The following EPS15 variants were observed in gnomAD, a reference collection of about 807,000 sequenced individuals.
The protein encoded by EPS15 is epidermal growth factor receptor substrate 15.
EPS15 carries 72 observed loss-of-function variants against 113.8 expected under a neutral mutation model. The observed-to-expected ratio is 0.63, with a 90% CI of 0.52 to 0.77. EPS15 has a LOEUF of 0.77. Among genes scored for constraint, EPS15 ranks in the 30% least tolerant of loss-of-function variants. EPS15 has a pLI of 0.00. For synonymous variants in EPS15, 344 were observed against 363.4 expected (o/e 0.95, Z 0.61); for missense variants, 1,048 against 1,045.8 (o/e 1.00, Z -0.03).
chr1:51,459,662 TTA>T (rs1654283822), intron 8 of EPS15, among the ~76,000 whole-genome samples: 1 of 152,124 alleles, frequency 6.6e-6, no homozygotes, highest in Non-Finnish European at 1.5e-5. Context: ...ATTAGACATT[TTA>T]TAGACTATAT....
At chr1:51,474,501 C>T (rs1241458923) in intron 2 of EPS15, among the ~76,000 whole-genome samples, 1 of 152,038 alleles carries the variant, frequency 6.6e-6, no homozygotes, top group Non-Finnish European at 1.5e-5. Context: ...TTCAGCTGAA[C>T]AAGAATTACA....
chr1:51,413,148 C>T (rs953954586), intron 13 of EPS15, among the ~76,000 whole-genome samples: 2 of 152,138 alleles, frequency 1.3e-5, no homozygotes, highest in Non-Finnish European at 2.9e-5. Context: ...TGCCTTTCCA[C>T]AAGCCATAAC....
intron 1 of EPS15, among the ~76,000 whole-genome samples, chr1:51,508,385 A>AAAGAAAGAAAGAAAGAAAGAAAGAAAGG (rs1557537547): frequency 9.6e-5 from 14 of 146,374 alleles, no homozygotes; most frequent in African/African-American, 3.7e-4. Context: ...AGAAAGAAAG[A>AAAGAAAGAAAGAAAGAAAGAAAGAAAGG]GAAAATTTAA....
chr1:51,455,596 A>G (rs1653937124), intron 8 of EPS15, among the ~76,000 whole-genome samples: 1 of 152,216 alleles, frequency 6.6e-6, no homozygotes, highest in Middle Eastern at 3.4e-3. Context: ...AAAAGAAAAG[A>G]AAGAAAAAGA....
chr1:51,423,682 C>T, intron 12 of EPS15: 1 of 985,372 alleles, frequency 1.0e-6, no homozygotes, highest in Non-Finnish European at 1.2e-6. Context: ...CTGCTGCTAA[C>T]TGCTGTCACT....
intron 13 of EPS15, among the ~76,000 whole-genome samples, chr1:51,414,191 G>T (rs1650001543): frequency 6.6e-6 from 1 of 152,042 alleles, no homozygotes; most frequent in Non-Finnish European, 1.5e-5. Flanking sequence ...ACGGGTGGAT[G>T]ACCTGAGGTC....
Position 51,399,118 on chromosome 1 carries a change from C to G in EPS15, c.1966G>C (p.Asp656His). ...PFKGSDPFAS[D>H]CFFRQSTDPF... ...TCAGTAGATTGCCTGAAGAAACAGT[C>G]TGATGCAAATGGATCTGAACCTTTG... is the stretch of plus-strand genomic sequence containing the variant. The change falls in exon 20 of 25, where the codon GAC (aspartate) becomes CAC (histidine). Residue 656 changes from aspartate to histidine, a missense_variant. Physicochemically the swap from Asp to His is moderately conservative, Grantham distance 81. Transcript: ENST00000371733. 6.2e-7 allele frequency: 1 copy of G among 1,614,012 alleles called. No individual in the cohort carries two copies. The highest frequency in any genetic ancestry group is 2.2e-5 in the East Asian group (1 of 44,880).
chr1:51,378,545 C>G (rs74603611), intron 21 of EPS15, among the ~76,000 whole-genome samples: 1 of 152,046 alleles, frequency 6.6e-6, no homozygotes, highest in African/African-American at 2.4e-5. Flanking sequence ...CTAAAAAAAT[C>G]TAATTCATCC....
chr1:51,501,005 GA>G (rs1644402391), intron 1 of EPS15, among the ~76,000 whole-genome samples: 1 of 151,570 alleles, frequency 6.6e-6, no homozygotes, highest in African/African-American at 2.4e-5. Context: ...AATAAAGAAA[GA>G]AAATTGACAA....
intron 3 of EPS15, 147 bp from the exon 4 acceptor site, chr1:51,471,884 G>C (rs1655266491): frequency 2.9e-6 from 2 of 685,786 alleles, no homozygotes; most frequent in Non-Finnish European, 5.1e-6. Context: ...AACCCTTAAA[G>C]ATCATTTAGT....
chr1:51,414,747 G>A lies in EPS15; in HGVS notation c.1114-5051C>T, dbSNP rs1038947774. On this transcript the variant is annotated intron_variant, in intron 13 of 24. Coordinates refer to ENST00000371733, the MANE Select transcript of EPS15 (RefSeq NM_001981.3). ...TGATGTCTTTTATTGTAAATCCAGGGACAAAAAACACAATTTACCTTAAAA... is the reference window on the plus strand; with the variant it reads ...TGATGTCTTTTATTGTAAATCCAGGAACAAAAAACACAATTTACCTTAAAA... Among the ~76,000 whole-genome samples, 5 of 151,776 alleles carry A rather than the reference G, an allele frequency of 3.3e-5. No homozygotes were observed. In the South Asian group the frequency reaches 1.0e-3, roughly 31 times the overall value.
At chr1:51,405,396 T>C (rs993148653) in intron 16 of EPS15, among the ~76,000 whole-genome samples, 1 of 152,184 alleles carries the variant, frequency 6.6e-6, no homozygotes, top group African/African-American at 2.4e-5. Context: ...AAACAGGCTC[T>C]ACAAAAAATA....
intron 21 of EPS15, among the ~76,000 whole-genome samples, chr1:51,384,619 T>G (rs1243429468): frequency 6.6e-6 from 1 of 152,058 alleles, no homozygotes; most frequent in Non-Finnish European, 1.5e-5. Context: ...ATTACATGCA[T>G]GAGCCACTGT....
chr1:51,407,605 C>G (rs914398038), intron 15 of EPS15, among the ~76,000 whole-genome samples: 4 of 152,188 alleles, frequency 2.6e-5, no homozygotes, highest in Non-Finnish European at 5.9e-5. Flanking sequence ...GCAAATTTAT[C>G]TACAGAAGGA....
rs922732346 is a variant in EPS15 at position 51,453,321 on chromosome 1, ATAT to A, written c.562-5189_562-5187del. The stretch of plus-strand genomic sequence containing the variant: ...ACATTTTTATGAAAGTTAAAAATAT[ATAT>A]TATTAATTTCATGTTGCCTTGAAAA... On this transcript the variant is annotated intron_variant, in intron 8 of 24. Transcript: ENST00000371733. Among the ~76,000 whole-genome samples the A allele has an allele frequency of 5.5e-4, 84 of 152,350 alleles. 1 individual carries two copies. Among genetic ancestry groups the A allele is most frequent in the African/African-American group, 1.9e-3 (80 of 41,580 alleles).
chr1:51,435,505 C>T (rs932539565), intron 12 of EPS15, among the ~76,000 whole-genome samples: 1 of 152,160 alleles, frequency 6.6e-6, no homozygotes, highest in Non-Finnish European at 1.5e-5. Context: ...AAAATCCTTT[C>T]CTATAGTCTT....
rs1654055937 is a variant in EPS15, at chr1:51,457,082, A to G, written c.561+4009T>C. On this transcript the variant is annotated intron_variant, in intron 8 of 24. Coordinates refer to ENST00000371733, the MANE Select transcript of EPS15 (RefSeq NM_001981.3). ...GGGCAGATCACGAGGTCAGGAGATC[A>G]AGACCATCCTGGCAAACACAGTGAA... 2.0e-5 allele frequency among the ~76,000 whole-genome samples: 3 copies of G among 152,010 alleles called. No individual in the cohort carries two copies. In the South Asian group the frequency reaches 6.2e-4, roughly 32 times the overall value.
chr1:51,465,546 GT>G (rs1337570595), intron 5 of EPS15, among the ~76,000 whole-genome samples: 1 of 151,844 alleles, frequency 6.6e-6, no homozygotes, highest in African/African-American at 2.4e-5. Context: ...GTTTTATTTT[GT>G]TTTTGAGATG....
chr1:51,357,410 ATATATATATATATATATTTTTT>A lies in EPS15; in HGVS notation c.2545-586_2545-565del, dbSNP rs1364520691. 1.4e-4 allele frequency among the ~76,000 whole-genome samples: 8 copies of A among 58,258 alleles called. 1 individual carries two copies. Among genetic ancestry groups the A allele is most frequent in the African/African-American group, 7.7e-4 (8 of 10,452 alleles). 38.2% of individuals were successfully genotyped at this position (58,258 alleles called of 152,430 possible). On this transcript the variant is annotated intron_variant, in intron 24 of 24. Transcript: ENST00000371733. ...AAAAAAAATATATATATATATATAT[ATATATATATATATATATTTTTT>A]TTTTTTAAATGTGATATATATATAT...
Sources: gnomAD v4.1 joint callset for allele counts (sites outside exome capture counted in the v4.1 genomes callset) on GRCh38, gnomAD v4.1.1 for gene constraint, MANE v1.5 for transcripts, NCBI Gene and HGNC (gene_info 2026-07-23, HGNC 2026-07-21) for gene names.